SND1: variants seen among roughly 807,000 people sequenced by gnomAD.
SND1 encodes staphylococcal nuclease domain-containing protein 1.
In SND1, 38 loss-of-function variants were observed where a neutral mutation model predicts 121.7. The observed-to-expected ratio is 0.31, with a 90% CI of 0.24 to 0.41. SND1 has a LOEUF of 0.41. Among genes scored for constraint, SND1 ranks in the 10% least tolerant of loss-of-function variants. The probability of loss-of-function intolerance (pLI) is 1.00; values close to 1 mark genes in which losing one functional copy is unlikely to be tolerated. For missense variants in SND1, 868 were observed against 1,184.6 expected, an observed-to-expected ratio of 0.73 and a Z score of 3.92; for synonymous variants, 401 against 447.4, an observed-to-expected ratio of 0.90 and a Z score of 1.31.
intron 17 of SND1, among the ~76,000 whole-genome samples, chr7:128,075,298 C>T (rs1793489073): frequency 6.6e-6 from 1 of 152,220 alleles, no homozygotes; most frequent in African/African-American, 2.4e-5. Flanking sequence ...TTGCTTTTGA[C>T]TTATAGCCCG....
chr7:128,026,041 G>A (rs1189065751), intron 16 of SND1, among the ~76,000 whole-genome samples: 1 of 151,902 alleles, frequency 6.6e-6, no homozygotes, highest in East Asian at 1.9e-4. Flanking sequence ...AAGGGTGTTA[G>A]GAAATTGGCT....
chr7:127,978,892 G>A (rs572871492), intron 15 of SND1, among the ~76,000 whole-genome samples: 3 of 152,000 alleles, frequency 2.0e-5, no homozygotes, highest in East Asian at 1.9e-4. Context: ...TCACCATGTT[G>A]GCCAGGCTGG....
At chr7:127,894,915 T>G (rs919703484) in intron 13 of SND1, among the ~76,000 whole-genome samples, 1 of 151,802 alleles carries the variant, frequency 6.6e-6, no homozygotes, top group African/African-American at 2.4e-5. Context: ...GCATGCAATC[T>G]CAGAGGGACA....
chr7:127,971,400 G>T (rs1801983603), intron 15 of SND1, among the ~76,000 whole-genome samples: 1 of 152,200 alleles, frequency 6.6e-6, no homozygotes, highest in Non-Finnish European at 1.5e-5. Flanking sequence ...GTGGTTAAAG[G>T]TAAGTTTGGA....
chr7:127,850,893 A>G (rs897207075), intron 12 of SND1, among the ~76,000 whole-genome samples: 1 of 152,230 alleles, frequency 6.6e-6, no homozygotes, highest in Non-Finnish European at 1.5e-5. Context: ...AAGCATAGCA[A>G]TCATTTTAAG....
intron 12 of SND1, among the ~76,000 whole-genome samples, chr7:127,860,953 C>G (rs930489638): frequency 2.0e-5 from 3 of 152,096 alleles, no homozygotes; most frequent in Non-Finnish European, 4.4e-5. Flanking sequence ...GATAGCCTTA[C>G]GTATATGAAA....
At chr7:127,756,300 A>G (rs1372369287) in intron 10 of SND1, among the ~76,000 whole-genome samples, 1 of 152,122 alleles carries the variant, frequency 6.6e-6, no homozygotes. Flanking sequence ...TAAACTTGAT[A>G]ATTTAAGGTA....
chr7:127,781,235 C>A (rs2116519501), intron 10 of SND1, among the ~76,000 whole-genome samples: 1 of 152,228 alleles, frequency 6.6e-6, no homozygotes, highest in Middle Eastern at 3.4e-3. Flanking sequence ...ACCCTGTGAT[C>A]CTATGACCTT....
chr7:127,937,459 C>T (rs1801085431), intron 15 of SND1, among the ~76,000 whole-genome samples: 1 of 151,912 alleles, frequency 6.6e-6, no homozygotes, highest in Non-Finnish European at 1.5e-5. Context: ...TCTCCCTTCT[C>T]CTCTCCCTCT....
chr7:127,879,867 A>G lies in SND1; in HGVS notation c.1344-8035A>G, dbSNP rs150938437. 2.3e-3 allele frequency among the ~76,000 whole-genome samples: 357 copies of G among 152,294 alleles called. 7 individuals are homozygous for G. The East Asian group carries it at 0.053, about 22-fold the overall frequency. Reference sequence around the variant, plus strand: ...TTTTGTGCTGAGTTTATAAGATTTTATCACAGGGCCTTGAAGTTACCATAA... The same window carrying G: ...TTTTGTGCTGAGTTTATAAGATTTTGTCACAGGGCCTTGAAGTTACCATAA... On this transcript the variant is annotated intron_variant, in intron 12 of 23. Transcript: ENST00000354725.
At chr7:127,792,155 G>A (rs908888057) in intron 10 of SND1, among the ~76,000 whole-genome samples, 1 of 151,988 alleles carries the variant, frequency 6.6e-6, no homozygotes, top group Admixed American at 6.5e-5. Flanking sequence ...AGCATTTCTC[G>A]GTCATCACAT....
chr7:127,727,346 A>G (rs1018510602), intron 10 of SND1, among the ~76,000 whole-genome samples: 2 of 152,158 alleles, frequency 1.3e-5, no homozygotes, highest in Non-Finnish European at 1.5e-5. Flanking sequence ...TATGTAAGGC[A>G]CTGATAACTC....
At chr7:127,794,846 G>A (rs957776108) in intron 10 of SND1, among the ~76,000 whole-genome samples, 2 of 152,206 alleles carry the variant, frequency 1.3e-5, no homozygotes, top group African/African-American at 4.8e-5. Context: ...ATGATCTGGG[G>A]CCAACTGGTT....
At chr7:127,902,486 A>G (rs1392975032) in intron 13 of SND1, among the ~76,000 whole-genome samples, 1 of 152,180 alleles carries the variant, frequency 6.6e-6, no homozygotes, top group Non-Finnish European at 1.5e-5. Context: ...AGAGGAGGTT[A>G]TAGAAATAGG....
intron 15 of SND1, among the ~76,000 whole-genome samples, chr7:127,960,697 G>A (rs1483929737): frequency 6.6e-6 from 1 of 152,216 alleles, no homozygotes; most frequent in Non-Finnish European, 1.5e-5. Flanking sequence ...CCTTTGTGTT[G>A]ATGTAGGAAG....
At chr7:128,065,722 C>G (rs1013262744) in intron 16 of SND1, among the ~76,000 whole-genome samples, 1 of 152,216 alleles carries the variant, frequency 6.6e-6, no homozygotes, top group African/African-American at 2.4e-5. Context: ...GCTGCTGACT[C>G]CATGGCCCAA....
In SND1 at chr7:127,807,477, C is replaced by T. The variant is rs1467144612; in HGVS notation, c.1153-7C>T. 2.5e-6 allele frequency: 4 copies of T among 1,608,116 alleles called. No individual in the cohort carries two copies. The East Asian group carries it at 8.9e-5, about 36-fold the overall frequency. On this transcript the variant is annotated splice_region_variant and splice_polypyrimidine_tract_variant and intron_variant, in intron 10 of 23. Transcript: ENST00000354725. ...ATTCCTGATGTCATGTTTTATTTTACTTTTAGGATAAGAACAAGAAACTGC... is the reference window on the plus strand; with the variant it reads ...ATTCCTGATGTCATGTTTTATTTTATTTTTAGGATAAGAACAAGAAACTGC...
At chr7:127,785,670 A>G (rs1797800115) in intron 10 of SND1, among the ~76,000 whole-genome samples, 2 of 152,232 alleles carry the variant, frequency 1.3e-5, no homozygotes, top group African/African-American at 2.4e-5. Flanking sequence ...ATGTGTATCT[A>G]AAGTCTTGAA....
At chr7:127,800,588 C>A (rs1798108047) in intron 10 of SND1, among the ~76,000 whole-genome samples, 1 of 152,124 alleles carries the variant, frequency 6.6e-6, no homozygotes, top group Non-Finnish European at 1.5e-5. Context: ...ATCAAAGAAG[C>A]TTTGGAGATT....
Sources: gnomAD v4.1 joint callset for allele counts (sites outside exome capture counted in the v4.1 genomes callset) on GRCh38, gnomAD v4.1.1 for gene constraint, MANE v1.5 for transcripts, NCBI Gene and HGNC (gene_info 2026-07-23, HGNC 2026-07-21) for gene names.